Variants in CACNA1C observed in about 807,000 individuals in gnomAD.
CACNA1C encodes the protein voltage-dependent L-type calcium channel subunit alpha-1C.
Under a neutral mutation model 229.0 loss-of-function variants are expected in CACNA1C, and 30 were observed. The ratio of observed to expected loss-of-function variants is 0.13; its 90% CI spans 0.10 to 0.18. The LOEUF is 0.18. CACNA1C is among the 10% of genes least tolerant of loss of function. The probability of loss-of-function intolerance (pLI) is 1.00; values close to 1 mark genes in which losing one functional copy is unlikely to be tolerated. For synonymous variants in CACNA1C, 1,114 were observed against 1,132.5 expected (o/e 0.98, Z 0.33); for missense variants, 1,658 against 2,845.0 (o/e 0.58, Z 9.49).
intron 9 of CACNA1C, among the ~76,000 whole-genome samples, chr12:2,524,617 A>G (rs2099815533): frequency 6.6e-6 from 1 of 152,200 alleles, no homozygotes; most frequent in South Asian, 2.1e-4. Flanking sequence ...GAGTTCCACC[A>G]CACCGGTCTT....
At chr12:2,072,618 G>A (rs1001818361) in intron 1 of CACNA1C, among the ~76,000 whole-genome samples, 1 of 152,156 alleles carries the variant, frequency 6.6e-6, no homozygotes, top group African/African-American at 2.4e-5. Context: ...CTTTCAAGAT[G>A]TTAGTCCATG....
intron 3 of CACNA1C, among the ~76,000 whole-genome samples, chr12:2,179,055 C>CT (rs1566175770): frequency 7.0e-6 from 1 of 143,720 alleles, no homozygotes; most frequent in Non-Finnish European, 1.6e-5. Flanking sequence ...GAGCAAGACT[C>CT]TGTCTCAAAA....
At position 2,462,994 on chromosome 12, in the gene CACNA1C, G is replaced by A. The variant is rs894803577; in HGVS notation, c.757+5288G>A. Among the ~76,000 whole-genome samples, 90 of 143,792 alleles carry A rather than the reference G, an allele frequency of 6.3e-4. 1 individual carries two copies. Among genetic ancestry groups the A allele is most frequent in the Admixed American group, 3.6e-4 (5 of 13,946 alleles). The allele number at this position is 143,792 out of a possible 152,430, so 94.3% of individuals were successfully genotyped here. On this transcript the variant is annotated intron_variant, in intron 5 of 46. Coordinates refer to ENST00000399655, the MANE Select transcript of CACNA1C (RefSeq NM_000719.7). Reference sequence around the variant, plus strand: ...GTGGTGTGATCTCGGCTCACTGTAAGCTCCGCCTCCTGGGTTCACGCCATT... The same window carrying A: ...GTGGTGTGATCTCGGCTCACTGTAAACTCCGCCTCCTGGGTTCACGCCATT...
Position 2,115,434 on chromosome 12 carries a change from G to A in CACNA1C, c.260G>A (p.Gly87Glu). Residue 87 changes from glycine (G) to glutamate (E), a missense_variant, in exon 2 of 47, where the codon GGG (glycine) becomes GAG (glutamate). Physicochemically the swap from Gly to Glu is moderately conservative, Grantham distance 98 (BLOSUM62 -2). Transcript: ENST00000399655. ...ACGCAGCGGAAGCGGCAGCAATATG[G>A]GAAACCCAAGAAGCAGGGCAGCACC... Reference protein sequence around the residue: ...SSTQRKRQQYGKPKKQGSTTA... With the variant: ...SSTQRKRQQYEKPKKQGSTTA... The A allele has an allele frequency of 6.2e-7, 1 of 1,613,102 alleles. No homozygotes were observed. Among genetic ancestry groups the A allele is most frequent in the African/African-American group, 1.3e-5 (1 of 75,078 alleles).
chr12:2,539,881 T>C (rs1206201723), intron 9 of CACNA1C, among the ~76,000 whole-genome samples: 3 of 151,232 alleles, frequency 2.0e-5, no homozygotes, highest in African/African-American at 7.3e-5. Flanking sequence ...TTCATAAAGA[T>C]GCAGGCAGGG....
intron 3 of CACNA1C, among the ~76,000 whole-genome samples, chr12:2,390,383 C>G (rs898712117): frequency 2.0e-5 from 3 of 152,130 alleles, no homozygotes; most frequent in Non-Finnish European, 4.4e-5. Flanking sequence ...TCTTTTTTGG[C>G]TAGTGCTTAA....
intron 3 of CACNA1C, among the ~76,000 whole-genome samples, chr12:2,165,095 G>A (rs1196822328): frequency 2.0e-5 from 3 of 152,216 alleles, no homozygotes; most frequent in Admixed American, 6.5e-5. Flanking sequence ...CATTTTAATA[G>A]AGTTCCATAA....
chr12:2,006,387 G>A (rs548339464), intron 1 of CACNA1C, among the ~76,000 whole-genome samples: 41 of 152,232 alleles, frequency 2.7e-4, no homozygotes, highest in African/African-American at 8.7e-4. Flanking sequence ...CAGCCTGGGT[G>A]ATAGAGCGAG....
At chr12:2,191,285 C>T (rs760847570) in intron 3 of CACNA1C, among the ~76,000 whole-genome samples, 7 of 152,074 alleles carry the variant, frequency 4.6e-5, no homozygotes, top group African/African-American at 1.7e-4. Context: ...ACTGAAGCGC[C>T]GGCCCACACT....
At chr12:2,311,946 AAG>A (rs757737993) in intron 3 of CACNA1C, among the ~76,000 whole-genome samples, 33 of 152,322 alleles carry the variant, frequency 2.2e-4, no homozygotes, top group Middle Eastern at 3.4e-3. Context: ...CCCCAAATAA[AAG>A]AGCAGGGTGT....
intron 9 of CACNA1C, among the ~76,000 whole-genome samples, chr12:2,541,121 C>T (rs2099869027): frequency 6.6e-6 from 1 of 152,134 alleles, no homozygotes; most frequent in South Asian, 2.1e-4. Context: ...TCAGCCCACC[C>T]TCATGACCTC....
intron 5 of CACNA1C, among the ~76,000 whole-genome samples, chr12:2,465,924 G>A (rs1477256130): frequency 6.6e-6 from 1 of 152,076 alleles, no homozygotes; most frequent in African/African-American, 2.4e-5. Flanking sequence ...AAGATCCTAT[G>A]CTGCTTGACA....
chr12:2,025,450 A>T (rs1319171786), intron 1 of CACNA1C, among the ~76,000 whole-genome samples: 1 of 151,866 alleles, frequency 6.6e-6, no homozygotes, highest in Non-Finnish European at 1.5e-5. Flanking sequence ...CCAGCTCTGC[A>T]CTCTCTGCAG....
At chr12:2,161,594 T>A (rs1210687349) in intron 3 of CACNA1C, among the ~76,000 whole-genome samples, 1 of 152,144 alleles carries the variant, frequency 6.6e-6, no homozygotes, top group Non-Finnish European at 1.5e-5. Flanking sequence ...CCTCAAGCCG[T>A]GAAAAATGAT....
At chr12:2,490,479 T>G (rs138220478) in intron 6 of CACNA1C, among the ~76,000 whole-genome samples, 38 of 152,358 alleles carry the variant, frequency 2.5e-4, no homozygotes, top group African/African-American at 9.1e-4. Flanking sequence ...TTTCACCCTT[T>G]CTCTTTGTCC....
chr12:2,319,923 G>A lies in CACNA1C; in HGVS notation c.478-129053G>A, dbSNP rs2095887831. ...GAAAATGCACATCCTTCCCAGAGCT[G>A]AGGAAGCCCCATGAGCTATTCTGGT... On this transcript the variant is annotated intron_variant, in intron 3 of 46. Transcript: ENST00000399655. This position sits in a 1 kb window ranked among gnomAD's most constrained non-coding sequence, Gnocchi z 4.0. Among the ~76,000 whole-genome samples, 1 of 152,072 alleles carries A rather than the reference G, an allele frequency of 6.6e-6. No homozygotes were observed. Among genetic ancestry groups the A allele is most frequent in the Non-Finnish European group, 1.5e-5 (1 of 67,976 alleles).
chr12:2,044,507 G>A (rs997177003), intron 1 of CACNA1C, among the ~76,000 whole-genome samples: 5 of 152,276 alleles, frequency 3.3e-5, no homozygotes, highest in South Asian at 2.1e-4. Context: ...GAAAATGGCC[G>A]AATCAACAAC....
chr12:2,549,486 C>G (rs1183481530), intron 9 of CACNA1C, among the ~76,000 whole-genome samples: 1 of 152,230 alleles, frequency 6.6e-6, no homozygotes, highest in African/African-American at 2.4e-5. Flanking sequence ...TTTCTACAAA[C>G]AGGCTGGTCC....
chr12:2,493,398 G>A lies in CACNA1C; in HGVS notation c.1113+12G>A. 1.2e-6 allele frequency: 2 copies of A among 1,600,142 alleles called. No individual in the cohort carries two copies. The highest frequency in any genetic ancestry group is 1.7e-6 in the Non-Finnish European group (2 of 1,168,096). On this transcript the variant is annotated intron_variant, in intron 7 of 46. Transcript: ENST00000399655. This position sits in a 1 kb window ranked among gnomAD's most constrained non-coding sequence, Gnocchi z 4.6. ...ACGTGCTGTACTGGGTACGTAGCAT[G>A]AGTGGGCAGTCAGAGGGTGGGGGAA...
Sources: allele counts gnomAD v4.1 joint callset (sites outside exome capture counted in the v4.1 genomes callset), GRCh38; gene constraint gnomAD v4.1.1; non-coding constraint Gnocchi (gnomAD v3.1); transcripts MANE v1.5; gene names NCBI Gene and HGNC (gene_info 2026-07-23, HGNC 2026-07-21).